MECOM: variants seen among roughly 807,000 people sequenced by gnomAD.
The protein encoded by MECOM is histone-lysine N-methyltransferase MECOM.
MECOM carries 13 observed loss-of-function variants against 116.3 expected under a neutral mutation model. The ratio of observed to expected loss-of-function variants is 0.11; its 90% CI spans 0.07 to 0.18. The LOEUF is 0.18. Among genes scored for constraint, MECOM ranks in the 10% least tolerant of loss-of-function variants. The pLI is 1.00. For missense variants in MECOM, 1,299 were observed against 1,509.0 expected, an observed-to-expected ratio of 0.86 and a Z score of 2.31; for synonymous variants, 528 against 535.2, an observed-to-expected ratio of 0.99 and a Z score of 0.19.
Position 169,332,005 on chromosome 3 carries a change from T to TAA in MECOM, c.375+49180_375+49181dup, listed in dbSNP as rs10551909. Among the ~76,000 whole-genome samples, 1,201 of 137,562 alleles carry TAA rather than the reference T, an allele frequency of 8.7e-3. 20 individuals carry two copies. Among genetic ancestry groups the TAA allele is most frequent in the African/African-American group, 0.03 (1,155 of 38,288 alleles). The allele number at this position is 137,562 out of a possible 152,430, so 90.2% of individuals were successfully genotyped here. A position where few individuals can be genotyped will look rare whatever the true frequency, so the allele number is the denominator to read the frequency against. On this transcript the variant is annotated intron_variant, in intron 2 of 16. Transcript: ENST00000651503. ...CTGTGGAAAATGTTTCTTTTTTATT[T>TAA]AAAAAAAAAAAAAAAAAAGGATTAT...
chr3:169,426,524 A>C (rs1740725467), intron 1 of MECOM, among the ~76,000 whole-genome samples: 1 of 152,174 alleles, frequency 6.6e-6, no homozygotes, highest in Admixed American at 6.5e-5. Flanking sequence ...GTGGTGAATT[A>C]ATGTTTGCCT....
At chr3:169,165,703 T>A (rs748222673) in intron 2 of MECOM, among the ~76,000 whole-genome samples, 7 of 152,168 alleles carry the variant, frequency 4.6e-5, no homozygotes, top group Non-Finnish European at 8.8e-5. Context: ...TTGTTTTATG[T>A]CCTTTAAGTA....
intron 5 of MECOM, among the ~76,000 whole-genome samples, chr3:169,125,505 T>C (rs778717656): frequency 1.3e-5 from 2 of 152,070 alleles, no homozygotes; most frequent in Admixed American, 6.5e-5. Flanking sequence ...ATTTTAAGAG[T>C]ATATTATGAA....
chr3:169,281,818 A>AT (rs1386190041), intron 2 of MECOM, among the ~76,000 whole-genome samples: 1 of 152,102 alleles, frequency 6.6e-6, no homozygotes, highest in Non-Finnish European at 1.5e-5. Context: ...TCAAAAAAAA[A>AT]TTTTTTTTAA....
chr3:169,632,252 T>C (rs997698318), intron 1 of MECOM, among the ~76,000 whole-genome samples: 1 of 152,118 alleles, frequency 6.6e-6, no homozygotes, highest in African/African-American at 2.4e-5. Context: ...AATAAAGCTA[T>C]GTGAAAAACT....
intron 1 of MECOM, among the ~76,000 whole-genome samples, chr3:169,474,870 T>C (rs1160149234): frequency 6.6e-6 from 1 of 152,202 alleles, no homozygotes; most frequent in Non-Finnish European, 1.5e-5. Context: ...TATATTGATA[T>C]CTGTCTGCCT....
chr3:169,421,375 C>T (rs1366616593), intron 1 of MECOM, among the ~76,000 whole-genome samples: 1 of 152,138 alleles, frequency 6.6e-6, no homozygotes, highest in Non-Finnish European at 1.5e-5. Flanking sequence ...ACAAGAAGTA[C>T]TTCTAGATTG....
chr3:169,122,575 T>C lies in MECOM; in HGVS notation c.978+5A>G, dbSNP rs1411109185. On this transcript the variant is annotated splice_donor_5th_base_variant and intron_variant, in intron 6 of 16. Transcript: ENST00000651503. ...GAGGCCAAGTAGCCTACAAATTCAC[T>C]GTACCTTGGCACAGTTTTCACATTC... The C allele has an allele frequency of 3.7e-6, 6 of 1,613,852 alleles. No individual in the cohort carries two copies. In the African/African-American group the frequency reaches 6.7e-5, roughly 18 times the overall value.
At chr3:169,102,365 T>G (rs953591999) in intron 10 of MECOM, 139 bp from the exon 11 acceptor site, 11 of 615,660 alleles carry the variant, frequency 1.8e-5, no homozygotes, top group Non-Finnish European at 2.6e-5. Flanking sequence ...TATCCCAATA[T>G]TAAATAAACA....
chr3:169,328,215 T>A (rs1220542238), intron 2 of MECOM, among the ~76,000 whole-genome samples: 1 of 152,208 alleles, frequency 6.6e-6, no homozygotes, highest in Non-Finnish European at 1.5e-5. Flanking sequence ...TCTTGTATGT[T>A]CCCAGCCCCT....
intron 14 of MECOM, among the ~76,000 whole-genome samples, chr3:169,091,957 T>C (rs2148865566): frequency 6.6e-6 from 1 of 152,230 alleles, no homozygotes; most frequent in South Asian, 2.1e-4. Flanking sequence ...TTTTGAAATT[T>C]ACAATGTAGC....
At chr3:169,560,101 AC>A (rs1298526801) in intron 1 of MECOM, among the ~76,000 whole-genome samples, 1 of 152,192 alleles carries the variant, frequency 6.6e-6, no homozygotes, top group Non-Finnish European at 1.5e-5. Flanking sequence ...TTCTACCTTT[AC>A]TTGTATAACC....
At chr3:169,381,089 T>G in intron 2 of MECOM, 98 bp downstream of exon 2, 1 of 1,064,950 alleles carries the variant, frequency 9.4e-7, no homozygotes, top group Non-Finnish European at 1.3e-6. Flanking sequence ...GAAAACATAT[T>G]GTAACAAATA....
intron 2 of MECOM, among the ~76,000 whole-genome samples, chr3:169,198,828 G>A (rs1290846939): frequency 6.6e-6 from 1 of 151,870 alleles, no homozygotes; most frequent in Non-Finnish European, 1.5e-5. Context: ...AAAAGATCAA[G>A]CAGCATTTTA....
At chr3:169,409,459 T>C (rs1478006282) in intron 1 of MECOM, among the ~76,000 whole-genome samples, 1 of 152,220 alleles carries the variant, frequency 6.6e-6, no homozygotes, top group African/African-American at 2.4e-5. Flanking sequence ...GAATGGTTTT[T>C]GATAGCAATT....
intron 2 of MECOM, among the ~76,000 whole-genome samples, chr3:169,304,152 T>C (rs929556036): frequency 2.0e-5 from 3 of 152,238 alleles, no homozygotes; most frequent in Non-Finnish European, 4.4e-5. Flanking sequence ...AGTATAGTTT[T>C]GGGCTCAGAA....
At chr3:169,241,253 GA>G (rs1321125679) in intron 2 of MECOM, among the ~76,000 whole-genome samples, 1 of 152,040 alleles carries the variant, frequency 6.6e-6, no homozygotes, top group Non-Finnish European at 1.5e-5. Context: ...TGTGATTCAG[GA>G]AAAGAGGAAA....
intron 2 of MECOM, among the ~76,000 whole-genome samples, chr3:169,280,534 A>G (rs78620597): frequency 0.024 from 3,713 of 152,304 alleles, 104 homozygotes; most frequent in East Asian, 0.13. Context: ...CAAAAGAGCA[A>G]GCACACTATA....
chr3:169,215,596 A>C (rs971989038), intron 2 of MECOM, among the ~76,000 whole-genome samples: 4 of 152,166 alleles, frequency 2.6e-5, no homozygotes, highest in Non-Finnish European at 4.4e-5. Flanking sequence ...TCTTATTATT[A>C]AAATTCCTCA....
Sources: gnomAD v4.1 joint callset for allele counts (sites outside exome capture counted in the v4.1 genomes callset) on GRCh38, gnomAD v4.1.1 for gene constraint, MANE v1.5 for transcripts, NCBI Gene and HGNC (gene_info 2026-07-23, HGNC 2026-07-21) for gene names.